The following RASSF5 variants were observed in gnomAD, a reference collection of about 807,000 sequenced individuals.
RASSF5 encodes the protein Ras association domain family member 5.
Under a neutral mutation model 40.5 loss-of-function variants are expected in RASSF5, and 25 were observed. The ratio of observed to expected loss-of-function variants is 0.62; its 90% CI spans 0.45 to 0.86. RASSF5 has a LOEUF of 0.86. RASSF5 is among the 40% of genes least tolerant of loss of function. The pLI is 0.00. For missense variants in RASSF5, 521 were observed against 572.8 expected (o/e 0.91, Z 0.92); for synonymous variants, 246 against 252.4 (o/e 0.97, Z 0.24).
At chr1:206,536,293 A>G (rs782219790) in intron 1 of RASSF5, among the ~76,000 whole-genome samples, 1 of 152,174 alleles carries the variant, frequency 6.6e-6, no homozygotes, top group East Asian at 1.9e-4. Context: ...GGAGGCGTAG[A>G]GAAGCGTGGG....
chr1:206,536,422 C>T (rs1433777469), intron 1 of RASSF5, among the ~76,000 whole-genome samples: 1 of 152,098 alleles, frequency 6.6e-6, no homozygotes, highest in African/African-American at 2.4e-5. Context: ...TCGTGCGGTT[C>T]TGGGATCTCT....
rs905583147 is a variant in RASSF5, at chr1:206,584,090, G to C, written c.691-297G>C. 3.9e-5 allele frequency among the ~76,000 whole-genome samples: 6 copies of C among 152,108 alleles called. No individual in the cohort carries two copies. The highest frequency in any genetic ancestry group is 8.8e-5 in the Non-Finnish European group (6 of 68,008). On this transcript the variant is annotated intron_variant, in intron 3 of 5. Coordinates refer to ENST00000579436, the MANE Select transcript of RASSF5 (RefSeq NM_182663.4). This position sits in a 1 kb window ranked among gnomAD's most constrained non-coding sequence, Gnocchi z 4.9. Reference sequence around the variant, plus strand: ...TACCCCACACCCTGCCTCTTACAATGGGCACTCACCAAAGGCAACTGGTTA... The same window carrying C: ...TACCCCACACCCTGCCTCTTACAATCGGCACTCACCAAAGGCAACTGGTTA...
At chr1:206,534,089 G>A (rs1667320479) in intron 1 of RASSF5, among the ~76,000 whole-genome samples, 1 of 152,190 alleles carries the variant, frequency 6.6e-6, no homozygotes. Context: ...CTGCGAGACA[G>A]TAATTTTCTG....
intron 3 of RASSF5, 122 bp downstream of exon 3, chr1:206,583,501 C>A: frequency 1.4e-6 from 1 of 693,842 alleles, no homozygotes; most frequent in South Asian, 1.6e-5. Flanking sequence ...TTCCTCCGGC[C>A]TCCAGAGGCC....
rs193130663 is a variant in RASSF5 at position 206,581,945 on chromosome 1, A to G, written c.580-1324A>G. 1.1e-3 allele frequency among the ~76,000 whole-genome samples: 163 copies of G among 152,236 alleles called. 1 individual carries two copies. Among genetic ancestry groups the G allele is most frequent in the Admixed American group, 9.3e-3 (143 of 15,300 alleles). On this transcript the variant is annotated intron_variant, in intron 2 of 5. Coordinates refer to ENST00000579436, the MANE Select transcript of RASSF5 (RefSeq NM_182663.4). Reference sequence around the variant, plus strand: ...CGTCGCGGCAGCTGTGAAATTCCCCAGCCAAACCCAGACACCCACAGGACA... The same window carrying G: ...CGTCGCGGCAGCTGTGAAATTCCCCGGCCAAACCCAGACACCCACAGGACA...
At chr1:206,561,514 A>T (rs1422329276) in intron 2 of RASSF5, among the ~76,000 whole-genome samples, 1 of 152,070 alleles carries the variant, frequency 6.6e-6, no homozygotes, top group Admixed American at 6.6e-5. Flanking sequence ...GTGACTTAAA[A>T]GTTCTTCTTG....
rs1242618408 is a variant in RASSF5, at chr1:206,535,741, TGTGA to T, written c.458-2429_458-2426del. 1.8e-4 allele frequency among the ~76,000 whole-genome samples: 24 copies of T among 133,414 alleles called. No homozygotes were observed. The highest frequency in any genetic ancestry group is 4.0e-4 in the African/African-American group (14 of 34,756). The allele number at this position is 133,414 out of a possible 152,430, so 87.5% of individuals were successfully genotyped here. ...GTGTGTGTGTGTGTGTGTGTGTGTG[TGTGA>T]GAGAGAGAGAGAGAGATGGAAATTG... is the stretch of plus-strand genomic sequence containing the variant. On this transcript the variant is annotated intron_variant, in intron 1 of 5. Transcript: ENST00000579436. The surrounding 1 kb of genome is among the most constrained non-coding windows in gnomAD (Gnocchi z 5.0).
chr1:206,534,324 A>G (rs1488975603), intron 1 of RASSF5, among the ~76,000 whole-genome samples: 2 of 152,158 alleles, frequency 1.3e-5, no homozygotes, highest in African/African-American at 4.8e-5. Context: ...TCCCCTAGCA[A>G]TAGGGATAGG....
Position 206,584,952 on chromosome 1 carries a change from A to G in RASSF5, c.989-228A>G, listed in dbSNP as rs1189777397. 1 of 606,126 alleles carries G rather than the reference A, an allele frequency of 1.6e-6. No homozygotes were observed. The highest frequency in any genetic ancestry group is 2.7e-5 in the East Asian group (1 of 36,502). 37.5% of individuals were successfully genotyped at this position (606,126 alleles called of 1,614,324 possible). A position where few individuals can be genotyped will look rare whatever the true frequency, so the allele number is the denominator to read the frequency against. On this transcript the variant is annotated intron_variant, in intron 4 of 5. Coordinates refer to ENST00000579436, the MANE Select transcript of RASSF5 (RefSeq NM_182663.4). This position sits in a 1 kb window ranked among gnomAD's most constrained non-coding sequence, Gnocchi z 4.9. ...GGGAGGAATCTGCCCCACCATTCCT[A>G]ATCTTTCAGGAGATGATGTGAATGG...
At chr1:206,580,937 G>C (rs1403877981) in intron 2 of RASSF5, 1 of 152,218 alleles carries the variant, frequency 6.6e-6, no homozygotes. Flanking sequence ...TAACTTACAG[G>C]CTTTGGTTTA....
At chr1:206,549,940 C>T (rs1331490583) in intron 2 of RASSF5, among the ~76,000 whole-genome samples, 5 of 152,188 alleles carry the variant, frequency 3.3e-5, no homozygotes, top group South Asian at 4.1e-4. Context: ...TCAGTAAGCA[C>T]GCAGGTGAAT....
At chr1:206,574,767 G>A (rs1034905171) in intron 2 of RASSF5, among the ~76,000 whole-genome samples, 19 of 151,952 alleles carry the variant, frequency 1.3e-4, no homozygotes, top group South Asian at 4.2e-4. Context: ...ACAGGCCTTC[G>A]AAGACCTGGG....
chr1:206,546,772 A>C (rs1667705308), intron 2 of RASSF5, among the ~76,000 whole-genome samples: 2 of 152,256 alleles, frequency 1.3e-5, no homozygotes, highest in Admixed American at 1.3e-4. Context: ...CTAACACCAA[A>C]CCTATTTTCT....
At position 206,532,611 on chromosome 1, in the gene RASSF5, C is replaced by T. The variant is rs112478753; in HGVS notation, c.458-5561C>T. 9.9e-3 allele frequency among the ~76,000 whole-genome samples: 1,507 copies of T among 152,306 alleles called. 29 individuals are homozygous for T. The highest frequency in any genetic ancestry group is 0.035 in the African/African-American group (1,441 of 41,556). On this transcript the variant is annotated intron_variant, in intron 1 of 5. Transcript: ENST00000579436. ...TGTTCAGAGAATGCGCATACGTTCC[C>T]GGATTCAGAAGTTGTCCTGCTTTCC... is the stretch of plus-strand genomic sequence containing the variant.
chr1:206,528,249 A>T (rs1305933953), intron 1 of RASSF5, among the ~76,000 whole-genome samples: 11 of 152,190 alleles, frequency 7.2e-5, no homozygotes, highest in African/African-American at 2.7e-4. Context: ...TAATTAAAAA[A>T]AAAGACAGGG....
At chr1:206,521,637 A>T (rs1666909371) in intron 1 of RASSF5, among the ~76,000 whole-genome samples, 1 of 152,230 alleles carries the variant, frequency 6.6e-6, no homozygotes, top group Non-Finnish European at 1.5e-5. Flanking sequence ...CTAGGCTAAC[A>T]AGAGGCTAGG....
At chr1:206,526,143 TG>T (rs1667090912) in intron 1 of RASSF5, among the ~76,000 whole-genome samples, 1 of 152,216 alleles carries the variant, frequency 6.6e-6, no homozygotes, top group South Asian at 2.1e-4. Flanking sequence ...CGACAGCCCC[TG>T]TGTGTCAGCT....
intron 1 of RASSF5, among the ~76,000 whole-genome samples, chr1:206,522,031 A>AT (rs1229930594): frequency 3.3e-5 from 5 of 149,394 alleles, no homozygotes; most frequent in South Asian, 2.1e-4. Context: ...GTTTTAAATT[A>AT]TTTTTTTTTT....
chr1:206,509,820 G>A (rs187710863), intron 1 of RASSF5, among the ~76,000 whole-genome samples: 4 of 151,816 alleles, frequency 2.6e-5, no homozygotes, highest in African/African-American at 9.7e-5. Flanking sequence ...TGATCCTTAC[G>A]TCACATCAGA....
Sources: allele counts gnomAD v4.1 joint callset (sites outside exome capture counted in the v4.1 genomes callset), GRCh38; gene constraint gnomAD v4.1.1; non-coding constraint Gnocchi (gnomAD v3.1); transcripts MANE v1.5; gene names NCBI Gene and HGNC (gene_info 2026-07-23, HGNC 2026-07-21).